KIAA1217: variants seen among roughly 807,000 people sequenced by gnomAD.
KIAA1217 encodes the protein sickle tail protein homolog.
KIAA1217 carries 88 observed loss-of-function variants against 163.9 expected under a neutral mutation model. That is an observed-to-expected ratio of 0.54 (90% CI 0.45 to 0.64). The LOEUF (loss-of-function observed/expected upper bound fraction) is 0.64, where lower values mean the gene tolerates loss of function less well. Ranked by LOEUF, KIAA1217 falls within the 30% of genes least tolerant of loss-of-function variation. The pLI is 0.00. For missense variants in KIAA1217, 2,372 were observed against 2,475.0 expected (o/e 0.96, Z 0.88); for synonymous variants, 903 against 923.1 (o/e 0.98, Z 0.39).
chr10:24,545,125 T>A, intron 20 of KIAA1217, 22 bp downstream of exon 20: 1 of 1,613,888 alleles, frequency 6.2e-7, no homozygotes, highest in Non-Finnish European at 8.5e-7. Context: ...TTAAACCCAC[T>A]TTTGGATGGA....
intron 2 of KIAA1217, among the ~76,000 whole-genome samples, chr10:24,187,459 T>C (rs2066491993): frequency 6.6e-6 from 1 of 152,220 alleles, no homozygotes; most frequent in Admixed American, 6.5e-5. Context: ...GCACTTTTAA[T>C]TCATTTCCAC....
intron 1 of KIAA1217, among the ~76,000 whole-genome samples, chr10:23,942,777 A>G (rs1843834765): frequency 6.6e-6 from 1 of 152,132 alleles, no homozygotes; most frequent in Non-Finnish European, 1.5e-5. Flanking sequence ...CTTCTATTCA[A>G]CACAGTATTG....
At chr10:23,817,998 TATATATATATACACAC>T (rs1837405427) in intron 1 of KIAA1217, among the ~76,000 whole-genome samples, 3 of 103,724 alleles carry the variant, frequency 2.9e-5, no homozygotes, top group South Asian at 2.8e-4. Flanking sequence ...TATATATATA[TATATATATATACACAC>T]ATATATATAC....
chr10:23,870,957 T>C (rs1196113810), intron 1 of KIAA1217, among the ~76,000 whole-genome samples: 1 of 152,146 alleles, frequency 6.6e-6, no homozygotes, highest in East Asian at 1.9e-4. Context: ...GCTACAATTA[T>C]TAATAGGCAG....
At chr10:24,295,665 C>T (rs1203675125) in intron 2 of KIAA1217, among the ~76,000 whole-genome samples, 1 of 152,208 alleles carries the variant, frequency 6.6e-6, no homozygotes, top group Non-Finnish European at 1.5e-5. Context: ...CAGGCATTCC[C>T]TCCTGGTGGA....
intron 5 of KIAA1217, among the ~76,000 whole-genome samples, chr10:24,468,878 A>C (rs1220387733): frequency 6.6e-6 from 1 of 152,198 alleles, no homozygotes; most frequent in African/African-American, 2.4e-5. Context: ...ACCACTAGTA[A>C]ATCTATTGAG....
At chr10:24,007,278 G>A (rs945456832) in exon 2 of KIAA1217, 19 of 152,094 alleles carry the variant, frequency 1.2e-4, no homozygotes, top group African/African-American at 4.1e-4. Context: ...TCCTGGAGAC[G>A]GAGTGGAACC....
intron 2 of KIAA1217, among the ~76,000 whole-genome samples, chr10:24,326,497 G>A (rs1436074583): frequency 1.3e-5 from 2 of 152,168 alleles, no homozygotes; most frequent in Middle Eastern, 3.4e-3. Context: ...AATAGCTGTT[G>A]TAGTTATATA....
intron 6 of KIAA1217, among the ~76,000 whole-genome samples, chr10:24,477,280 T>TAGCCAAGCAC (rs2064151999): frequency 6.6e-6 from 1 of 152,216 alleles, no homozygotes; most frequent in Non-Finnish European, 1.5e-5. Context: ...TTTCTATACA[T>TAGCCAAGCAC]TATATGATGT....
At chr10:24,506,820 C>G (rs1241398726) in intron 9 of KIAA1217, among the ~76,000 whole-genome samples, 2 of 152,162 alleles carry the variant, frequency 1.3e-5, no homozygotes, top group African/African-American at 4.8e-5. Context: ...TTAGAGAGAG[C>G]TGAAACAGCT....
intron 1 of KIAA1217, among the ~76,000 whole-genome samples, chr10:23,934,099 A>G (rs1043290022): frequency 6.6e-6 from 1 of 152,182 alleles, no homozygotes; most frequent in Non-Finnish European, 1.5e-5. Flanking sequence ...TATGTTTACT[A>G]CAGCACTGTT....
intron 1 of KIAA1217, among the ~76,000 whole-genome samples, chr10:23,809,791 A>G (rs1209105161): frequency 1.3e-5 from 2 of 152,054 alleles, no homozygotes; most frequent in East Asian, 3.8e-4. Context: ...ATACCAAGGA[A>G]TAACTCTAAT....
At chr10:24,512,419 T>A (rs2069330034) in intron 9 of KIAA1217, among the ~76,000 whole-genome samples, 1 of 152,176 alleles carries the variant, frequency 6.6e-6, no homozygotes, top group African/African-American at 2.4e-5. Flanking sequence ...GTTAGAAAAT[T>A]GTCCTGCTCC....
intron 9 of KIAA1217, among the ~76,000 whole-genome samples, chr10:24,512,327 G>A (rs1435814140): frequency 4.6e-5 from 7 of 152,138 alleles, no homozygotes. Flanking sequence ...ATATTTCAGT[G>A]GAACTTTGGG....
rs1464384568 is a variant in KIAA1217 at position 24,543,546 on chromosome 10, C to G, written c.4276C>G (p.Gln1426Glu). The change falls in exon 19 of 21, where the codon CAA becomes GAA. Residue 1426 changes from glutamine to glutamate, a missense_variant. Gln to Glu is a conservative substitution (Grantham distance 29). This residue lies in a region of KIAA1217 where 690 missense variants were observed against 677.5 expected (regional missense o/e 1.02). Transcript: ENST00000376454. ...TGCCAGAAAAGAGATGACCCCCCGA[C>G]AAGAAGGGACTGACAATGAGGATCC... ...IDARKEMTPR[Q>E]EGTDNEDPVV... The G allele has an allele frequency of 1.2e-6, 2 of 1,614,050 alleles. No individual in the cohort carries two copies. Among genetic ancestry groups the G allele is most frequent in the Non-Finnish European group, 1.7e-6 (2 of 1,180,016 alleles).
At chr10:24,193,102 A>G (rs374463244) in intron 2 of KIAA1217, among the ~76,000 whole-genome samples, 1 of 152,102 alleles carries the variant, frequency 6.6e-6, no homozygotes. Context: ...AATTTTTTTG[A>G]GAGACGGGGT....
intron 1 of KIAA1217, among the ~76,000 whole-genome samples, chr10:23,920,441 C>CT (rs1166203087): frequency 6.6e-6 from 1 of 152,132 alleles, no homozygotes; most frequent in East Asian, 1.9e-4. Context: ...GCAACCTGAG[C>CT]TTTTTGGGTG....
chr10:23,872,799 T>A (rs956573571), intron 1 of KIAA1217, among the ~76,000 whole-genome samples: 3 of 152,082 alleles, frequency 2.0e-5, no homozygotes, highest in Non-Finnish European at 4.4e-5. Flanking sequence ...TAAATTTATA[T>A]ACACTTAATT....
Position 23,960,076 on chromosome 10 carries a change from C to T in KIAA1217, c.-320-47149C>T, listed in dbSNP as rs528347360. 1.0e-3 allele frequency among the ~76,000 whole-genome samples: 157 copies of T among 150,958 alleles called. 1 individual carries two copies. The highest frequency in any genetic ancestry group is 1.4e-3 in the Non-Finnish European group (93 of 67,656). On this transcript the variant is annotated intron_variant, in intron 1 of 18. Transcript: ENST00000376462. ...AACTACAGGCGCCTGCCACCACGCC[C>T]GGCTAATTTTTTGTATTTTTAGTAG...
Sources: allele counts gnomAD v4.1 joint callset (sites outside exome capture counted in the v4.1 genomes callset), GRCh38; gene constraint gnomAD v4.1.1; regional missense constraint gnomAD v4.1.1; transcripts MANE v1.5; gene names NCBI Gene and HGNC (gene_info 2026-07-23, HGNC 2026-07-21).